The following WWOX variants were observed in gnomAD, a reference collection of about 807,000 sequenced individuals.
WWOX encodes WW domain-containing oxidoreductase.
A neutral mutation model predicts 46.2 loss-of-function variants in WWOX; 69 were observed. That is an observed-to-expected ratio of 1.49 (90% CI 1.23 to 1.82). The LOEUF is 1.82. WWOX is among the 40% of genes most tolerant of loss of function. The pLI, the probability that WWOX is intolerant of heterozygous loss-of-function variation, is 0.00. For synonymous variants in WWOX, 359 were observed against 202.6 expected, an observed-to-expected ratio of 1.77 and a Z score of -6.56; for missense variants, 919 against 542.6, an observed-to-expected ratio of 1.69 and a Z score of -6.89.
intron 4 of WWOX, among the ~76,000 whole-genome samples, chr16:78,152,524 A>T (rs570318607): frequency 6.6e-6 from 1 of 152,088 alleles, no homozygotes; most frequent in Non-Finnish European, 1.5e-5. Flanking sequence ...TTAATCTATG[A>T]AGTTGCCTGG....
chr16:79,072,629 A>G (rs2048572758), intron 8 of WWOX, among the ~76,000 whole-genome samples: 1 of 152,238 alleles, frequency 6.6e-6, no homozygotes, highest in Non-Finnish European at 1.5e-5. Flanking sequence ...AGCTATAATT[A>G]TTAATGATCA....
intron 8 of WWOX, among the ~76,000 whole-genome samples, chr16:78,910,817 G>T (rs529655491): frequency 6.6e-6 from 1 of 151,808 alleles, no homozygotes; most frequent in Non-Finnish European, 1.5e-5. Flanking sequence ...ACCTCTCACC[G>T]GGTCCCTCCC....
chr16:78,501,756 C>T (rs546690263), intron 8 of WWOX, among the ~76,000 whole-genome samples: 8 of 152,188 alleles, frequency 5.3e-5, no homozygotes, highest in East Asian at 1.9e-4. Flanking sequence ...AGGCTGGTCT[C>T]GAACTCCTGA....
At chr16:78,793,289 G>A (rs982588012) in intron 8 of WWOX, among the ~76,000 whole-genome samples, 1 of 152,122 alleles carries the variant, frequency 6.6e-6, no homozygotes, top group Non-Finnish European at 1.5e-5. Context: ...TGGAACTCCT[G>A]GGCTCAGGAG....
At chr16:78,859,147 C>A (rs1333528134) in intron 8 of WWOX, among the ~76,000 whole-genome samples, 1 of 147,996 alleles carries the variant, frequency 6.8e-6, no homozygotes, top group Non-Finnish European at 1.5e-5. Flanking sequence ...TCGGGGTAAT[C>A]TGAGACACTG....
chr16:78,887,256 A>G (rs539881539), intron 8 of WWOX, among the ~76,000 whole-genome samples: 1 of 151,858 alleles, frequency 6.6e-6, no homozygotes, highest in Admixed American at 6.6e-5. Context: ...GTAAAATGCT[A>G]TTTCATTATA....
chr16:78,508,368 G>C (rs112108289), intron 8 of WWOX, among the ~76,000 whole-genome samples: 1 of 134,022 alleles, frequency 7.5e-6, no homozygotes, highest in South Asian at 2.5e-4. Context: ...GTTAGTGTTA[G>C]TGTAGTTTAT....
intron 8 of WWOX, among the ~76,000 whole-genome samples, chr16:78,884,946 C>T (rs980750162): frequency 1.3e-5 from 2 of 152,160 alleles, no homozygotes; most frequent in South Asian, 2.1e-4. Context: ...ATTCATGTTA[C>T]CCAGTCATTA....
At chr16:78,996,689 A>G (rs944000350) in intron 8 of WWOX, among the ~76,000 whole-genome samples, 1 of 152,118 alleles carries the variant, frequency 6.6e-6, no homozygotes, top group Admixed American at 6.5e-5. Context: ...AATATGGCAA[A>G]TATGGCCAGG....
intron 5 of WWOX, among the ~76,000 whole-genome samples, chr16:78,191,093 G>C (rs915737451): frequency 9.8e-5 from 15 of 152,292 alleles, no homozygotes; most frequent in East Asian, 3.9e-4. Flanking sequence ...GCAGTGTTGA[G>C]GACTAGACCA....
Position 78,265,236 on chromosome 16 carries a change from A to C in WWOX, c.516+100947A>C, listed in dbSNP as rs975909367. On this transcript the variant is annotated intron_variant, in intron 5 of 8. Coordinates refer to ENST00000566780, the MANE Select transcript of WWOX (RefSeq NM_016373.4). ...GGCTGGTCTTGAACTCCTGACCCTG[A>C]GGCCCACCTTGGCCTCCCAAAATGC... 1.1e-3 allele frequency among the ~76,000 whole-genome samples: 165 copies of C among 151,840 alleles called. 3 individuals are homozygous for C. Among genetic ancestry groups the C allele is most frequent in the Non-Finnish European group, 5.2e-4 (35 of 67,940 alleles).
chr16:78,446,403 C>CGA (rs2083561645), intron 8 of WWOX, among the ~76,000 whole-genome samples: 1 of 152,006 alleles, frequency 6.6e-6, no homozygotes. Flanking sequence ...TGCTTTGACA[C>CGA]GAGATGTTGC....
intron 8 of WWOX, among the ~76,000 whole-genome samples, chr16:78,705,808 A>G (rs1235783993): frequency 6.6e-6 from 1 of 152,246 alleles, no homozygotes; most frequent in Non-Finnish European, 1.5e-5. Context: ...TGAAAAAACA[A>G]GAATAAAACA....
chr16:78,283,714 A>G (rs947034000), intron 5 of WWOX, among the ~76,000 whole-genome samples: 1 of 152,064 alleles, frequency 6.6e-6, no homozygotes, highest in African/African-American at 2.4e-5. Flanking sequence ...AAAAAAAAAA[A>G]GAAGAAAAAT....
chr16:79,124,057 A>C (rs1409553237), intron 8 of WWOX, among the ~76,000 whole-genome samples: 1 of 152,156 alleles, frequency 6.6e-6, no homozygotes, highest in Non-Finnish European at 1.5e-5. Flanking sequence ...TTTGCCTCTT[A>C]AGTGTGGACT....
At position 78,551,278 on chromosome 16, in the gene WWOX, T is replaced by G. The variant is rs186859637; in HGVS notation, c.1056+118526T>G. Reference sequence around the variant, plus strand: ...ACAGCATGCTCCTATATCTTTTTTCTGGGTGATCTTTAGATATCTCGTCTT... The same window carrying G: ...ACAGCATGCTCCTATATCTTTTTTCGGGGTGATCTTTAGATATCTCGTCTT... On this transcript the variant is annotated intron_variant, in intron 8 of 8. Coordinates refer to ENST00000566780, the MANE Select transcript of WWOX (RefSeq NM_016373.4). 4.6e-5 allele frequency: 7 copies of G among 152,354 alleles called. No homozygotes were observed. The East Asian group carries it at 1.4e-3, about 29-fold the overall frequency. 9.4% of individuals were successfully genotyped at this position (152,354 alleles called of 1,614,324 possible).
At chr16:78,851,478 C>G (rs2052441619) in intron 8 of WWOX, among the ~76,000 whole-genome samples, 1 of 152,184 alleles carries the variant, frequency 6.6e-6, no homozygotes, top group South Asian at 2.1e-4. Flanking sequence ...CTATATGACT[C>G]AAATGCTTGG....
At position 78,419,625 on chromosome 16, in the gene WWOX, CAAAA is replaced by C. The variant is rs60762734; in HGVS notation, c.606-5223_606-5220del. Among the ~76,000 whole-genome samples, 68 of 44,674 alleles carry C rather than the reference CAAAA, an allele frequency of 1.5e-3. No individual in the cohort carries two copies. The South Asian group carries it at 0.019, about 13-fold the overall frequency. The allele number at this position is 44,674 out of a possible 152,430, so 29.3% of individuals were successfully genotyped here. On this transcript the variant is annotated intron_variant, in intron 6 of 8. Transcript: ENST00000566780. ...GCATAAACTACACAGCAAAAAATAG[CAAAA>C]AAAAAAAAAAAAAAAAAAAAAGGGT... is the stretch of plus-strand genomic sequence containing the variant.
At chr16:78,994,192 A>T (rs965157036) in intron 8 of WWOX, among the ~76,000 whole-genome samples, 21 of 151,958 alleles carry the variant, frequency 1.4e-4, no homozygotes, top group Non-Finnish European at 2.6e-4. Flanking sequence ...TTCTCTCCTT[A>T]TAGGCCTTCT....
Sources: gnomAD v4.1 joint callset for allele counts (sites outside exome capture counted in the v4.1 genomes callset) on GRCh38, gnomAD v4.1.1 for gene constraint, MANE v1.5 for transcripts, NCBI Gene and HGNC (gene_info 2026-07-23, HGNC 2026-07-21) for gene names.